NALF1: variants seen among roughly 807,000 people sequenced by gnomAD.
NALF1 encodes family with sequence similarity 155 member A.
A neutral mutation model predicts 48.4 loss-of-function variants in NALF1; 3 were observed. The ratio of observed to expected loss-of-function variants is 0.06; its 90% CI spans 0.03 to 0.16. The LOEUF is 0.16. NALF1 is among the 10% of genes least tolerant of loss of function. The pLI is 1.00. For missense variants in NALF1, 526 were observed against 571.5 expected, an observed-to-expected ratio of 0.92 and a Z score of 0.81; for synonymous variants, 262 against 245.7, an observed-to-expected ratio of 1.07 and a Z score of -0.62.
chr13:107,187,659 A>T (rs1233257008), intron 2 of NALF1, among the ~76,000 whole-genome samples: 4 of 152,194 alleles, frequency 2.6e-5, no homozygotes, highest in Admixed American at 6.5e-5. Context: ...GGCAGCTCAG[A>T]TGCCTGCTTA....
chr13:107,432,272 A>T (rs1884395244), intron 1 of NALF1, among the ~76,000 whole-genome samples: 1 of 152,136 alleles, frequency 6.6e-6, no homozygotes, highest in African/African-American at 2.4e-5. Context: ...TTCAGGAGGG[A>T]TCTGCCCCAT....
At chr13:107,508,449 A>G (rs577840009) in intron 1 of NALF1, among the ~76,000 whole-genome samples, 3 of 152,040 alleles carry the variant, frequency 2.0e-5, no homozygotes, top group South Asian at 4.1e-4. Context: ...AATACTAATG[A>G]TAAAAGGAAG....
Position 107,336,278 on chromosome 13 carries a change from G to A in NALF1, c.916-125523C>T, listed in dbSNP as rs923102650. On this transcript the variant is annotated intron_variant, in intron 1 of 2. Coordinates refer to ENST00000375915, the MANE Select transcript of NALF1 (RefSeq NM_001080396.3). ...TGAGGCATGAGAGTCACTTGAACCC[G>A]GGAGGTGAAGGTTGCAGTGAGCTGA... 2.6e-5 allele frequency among the ~76,000 whole-genome samples: 4 copies of A among 151,764 alleles called. No individual in the cohort carries two copies. The South Asian group carries it at 6.2e-4, about 24-fold the overall frequency.
chr13:107,405,541 C>A (rs1883884797), intron 1 of NALF1, among the ~76,000 whole-genome samples: 1 of 151,972 alleles, frequency 6.6e-6, no homozygotes, highest in African/African-American at 2.4e-5. Context: ...TTCTTTTGAG[C>A]AGCTAATCTT....
chr13:107,311,270 T>A (rs757499326), intron 1 of NALF1, among the ~76,000 whole-genome samples: 3 of 152,176 alleles, frequency 2.0e-5, no homozygotes, highest in Non-Finnish European at 4.4e-5. Context: ...CCCAGTATGC[T>A]TCTTTTAAAG....
intron 1 of NALF1, among the ~76,000 whole-genome samples, chr13:107,578,046 G>C (rs1878203015): frequency 6.6e-6 from 1 of 152,074 alleles, no homozygotes; most frequent in South Asian, 2.1e-4. Flanking sequence ...AAATTCTACA[G>C]GTCTAAAATT....
At chr13:107,221,620 A>G (rs577012921) in intron 1 of NALF1, among the ~76,000 whole-genome samples, 24 of 152,272 alleles carry the variant, frequency 1.6e-4, no homozygotes, top group African/African-American at 5.5e-4. Context: ...ACTATTTACT[A>G]TCAGTTATTT....
intron 1 of NALF1, among the ~76,000 whole-genome samples, chr13:107,605,571 A>G (rs750575329): frequency 7.2e-5 from 11 of 152,142 alleles, no homozygotes; most frequent in Non-Finnish European, 1.5e-4. Context: ...CACAGGAAAA[A>G]AAAAGATTAA....
chr13:107,592,672 T>C (rs554260388), intron 1 of NALF1, among the ~76,000 whole-genome samples: 1 of 151,978 alleles, frequency 6.6e-6, no homozygotes, highest in South Asian at 2.1e-4. Context: ...TGAAACTCTA[T>C]AGAAAACATT....
At chr13:107,745,370 C>G (rs1364743241) in intron 1 of NALF1, among the ~76,000 whole-genome samples, 1 of 152,084 alleles carries the variant, frequency 6.6e-6, no homozygotes, top group Non-Finnish European at 1.5e-5. Context: ...TAGACACCCC[C>G]TAGCTGAGTT....
intron 1 of NALF1, among the ~76,000 whole-genome samples, chr13:107,769,702 AAG>A (rs1491017314): frequency 2.0e-5 from 3 of 149,924 alleles, no homozygotes; most frequent in South Asian, 4.2e-4. Context: ...AAAAAAAAAA[AAG>A]AAGAAATAAA....
intron 1 of NALF1, among the ~76,000 whole-genome samples, chr13:107,556,807 T>C (rs1251089626): frequency 1.3e-5 from 2 of 152,150 alleles, no homozygotes; most frequent in Admixed American, 6.5e-5. Flanking sequence ...GAATAGGCTC[T>C]GCTTATCTGT....
At chr13:107,589,266 A>C (rs1190334651) in intron 1 of NALF1, among the ~76,000 whole-genome samples, 2 of 152,018 alleles carry the variant, frequency 1.3e-5, no homozygotes, top group African/African-American at 2.4e-5. Context: ...TGAATGTACT[A>C]CTTTCATCAC....
In NALF1 at chr13:107,660,484, C is replaced by CACAA. The variant is rs1386945144; in HGVS notation, c.915+205197_915+205198insTTGT. Among the ~76,000 whole-genome samples, 1,132 of 139,200 alleles carry CACAA rather than the reference C, an allele frequency of 8.1e-3. 48 individuals carry two copies. In the East Asian group the frequency reaches 0.11, roughly 13 times the overall value. The allele number at this position is 139,200 out of a possible 152,430, so 91.3% of individuals were successfully genotyped here. ...ACACACACACACACACACACACACACAACAAAGAAACAAAAAAACAAACAA... is the reference window on the plus strand; with the variant it reads ...ACACACACACACACACACACACACACACAAAACAAAGAAACAAAAAAACAAACAA... On this transcript the variant is annotated intron_variant, in intron 1 of 2. Coordinates refer to ENST00000375915, the MANE Select transcript of NALF1 (RefSeq NM_001080396.3).
At chr13:107,623,467 C>T (rs1879586388) in intron 1 of NALF1, among the ~76,000 whole-genome samples, 1 of 150,696 alleles carries the variant, frequency 6.6e-6, no homozygotes, top group Admixed American at 6.6e-5. Context: ...AAATATTACT[C>T]CCCCTGAGCC....
chr13:107,203,850 G>C (rs1879574951), intron 2 of NALF1, among the ~76,000 whole-genome samples: 1 of 152,240 alleles, frequency 6.6e-6, no homozygotes, highest in Non-Finnish European at 1.5e-5. Context: ...AGGATAACTT[G>C]AACTACGTTA....
chr13:107,525,038 G>C (rs1876385789), intron 1 of NALF1, among the ~76,000 whole-genome samples: 1 of 152,112 alleles, frequency 6.6e-6, no homozygotes, highest in Non-Finnish European at 1.5e-5. Flanking sequence ...TTTCAACATG[G>C]GGTTTTGGCA....
chr13:107,867,338 G>A lies in NALF1; in HGVS notation c.-742C>T, dbSNP rs1478960684. 1.5e-5 allele frequency among the ~76,000 whole-genome samples: 2 copies of A among 130,432 alleles called. No homozygotes were observed. The highest frequency in any genetic ancestry group is 2.9e-5 in the African/African-American group (1 of 35,074). 85.6% of individuals were successfully genotyped at this position (130,432 alleles called of 152,430 possible). On this transcript the variant is annotated 5_prime_UTR_variant, in exon 1 of 3. Transcript: ENST00000375915. This position sits in a 1 kb window ranked among gnomAD's most constrained non-coding sequence, Gnocchi z 4.4. ...CGCCGCCGCCGCCGCCGCTGCCGCA[G>A]GGCCGCCCGCGGGCGCCGCCGCCGG... is the stretch of plus-strand genomic sequence containing the variant.
chr13:107,674,045 A>G (rs1471289592), intron 1 of NALF1, among the ~76,000 whole-genome samples: 2 of 152,162 alleles, frequency 1.3e-5, no homozygotes, highest in Non-Finnish European at 2.9e-5. Context: ...GACAAGAGCA[A>G]CACCAAACCA....
Sources: allele counts gnomAD v4.1 joint callset (sites outside exome capture counted in the v4.1 genomes callset), GRCh38; gene constraint gnomAD v4.1.1; non-coding constraint Gnocchi (gnomAD v3.1); transcripts MANE v1.5; gene names NCBI Gene and HGNC (gene_info 2026-07-23, HGNC 2026-07-21).